NEGR1: variants seen among roughly 807,000 people sequenced by gnomAD.
NEGR1 encodes IgLON family member 4.
NEGR1 carries 10 observed loss-of-function variants against 40.9 expected under a neutral mutation model. The ratio of observed to expected loss-of-function variants is 0.24; its 90% CI spans 0.15 to 0.42. The LOEUF is 0.42. Among genes scored for constraint, NEGR1 ranks in the 10% least tolerant of loss-of-function variants. The pLI is 1.00. For missense variants in NEGR1, 352 were observed against 438.9 expected (o/e 0.80, Z 1.77); for synonymous variants, 185 against 166.8 (o/e 1.11, Z -0.84).
At chr1:71,522,801 C>T (rs1254119419) in intron 6 of NEGR1, among the ~76,000 whole-genome samples, 1 of 151,358 alleles carries the variant, frequency 6.6e-6, no homozygotes, top group African/African-American at 2.4e-5. Flanking sequence ...AAGGTACAGA[C>T]TCACACGCTC....
At chr1:71,873,161 T>C (rs1454587145) in intron 2 of NEGR1, among the ~76,000 whole-genome samples, 3 of 147,096 alleles carry the variant, frequency 2.0e-5, no homozygotes, top group African/African-American at 7.6e-5. Flanking sequence ...TATTTTGAGG[T>C]TTTTGTTTGA....
chr1:71,803,448 T>C (rs1302668855), intron 2 of NEGR1, among the ~76,000 whole-genome samples: 2 of 152,158 alleles, frequency 1.3e-5, no homozygotes, highest in Non-Finnish European at 2.9e-5. Flanking sequence ...AGGGGTATAG[T>C]CTGTCCAATG....
At chr1:71,992,737 G>C (rs2100362015) in intron 1 of NEGR1, among the ~76,000 whole-genome samples, 1 of 152,142 alleles carries the variant, frequency 6.6e-6, no homozygotes, top group Non-Finnish European at 1.5e-5. Context: ...ACAAAGATGG[G>C]TGGCTCAAAT....
At chr1:71,894,655 T>G in intron 2 of NEGR1, among the ~76,000 whole-genome samples, 1 of 152,258 alleles carries the variant, frequency 6.6e-6, no homozygotes, top group East Asian at 1.9e-4. Flanking sequence ...AATACAGGTT[T>G]AACTTGCTAA....
Position 72,112,404 on chromosome 1 carries a change from A to G in NEGR1, c.176+169915T>C, listed in dbSNP as rs548213971. ...ATTTTTTCCAAAATTTATTTTTTCC[A>G]TAATATATCCATTGTTTTCACATTT... is the stretch of plus-strand genomic sequence containing the variant. On this transcript the variant is annotated intron_variant, in intron 1 of 6. Transcript: ENST00000357731. Among the ~76,000 whole-genome samples the G allele has an allele frequency of 5.9e-5, 9 of 151,658 alleles. No individual in the cohort carries two copies. In the South Asian group the frequency reaches 1.7e-3, roughly 28 times the overall value.
intron 1 of NEGR1, among the ~76,000 whole-genome samples, chr1:72,022,790 T>C (rs557161824): frequency 5.9e-5 from 9 of 152,256 alleles, no homozygotes; most frequent in African/African-American, 2.2e-4. Context: ...TCACAGACGA[T>C]ATGATTGTCT....
intron 6 of NEGR1, among the ~76,000 whole-genome samples, chr1:71,421,845 A>G (rs1044937140): frequency 2.0e-5 from 3 of 152,108 alleles, no homozygotes; most frequent in Non-Finnish European, 2.9e-5. Context: ...TAAATTAGAA[A>G]AGACAGATGA....
At chr1:71,462,765 C>G (rs1646722185) in intron 6 of NEGR1, among the ~76,000 whole-genome samples, 1 of 151,990 alleles carries the variant, frequency 6.6e-6, no homozygotes, top group Non-Finnish European at 1.5e-5. Flanking sequence ...GTTTTGGTAC[C>G]AAATTTCATT....
At chr1:72,139,275 C>T (rs550238007) in intron 1 of NEGR1, among the ~76,000 whole-genome samples, 2 of 148,330 alleles carry the variant, frequency 1.3e-5, no homozygotes, top group African/African-American at 2.5e-5. Context: ...AAAAGAAACT[C>T]GAATTAAACA....
At chr1:72,012,380 A>G (rs752330775) in intron 1 of NEGR1, among the ~76,000 whole-genome samples, 3 of 152,062 alleles carry the variant, frequency 2.0e-5, no homozygotes, top group Non-Finnish European at 2.9e-5. Flanking sequence ...TCTCAGAAAG[A>G]TATTATAAAA....
chr1:72,096,753 C>T (rs760949903), intron 1 of NEGR1, among the ~76,000 whole-genome samples: 4 of 152,042 alleles, frequency 2.6e-5, no homozygotes, highest in South Asian at 4.1e-4. Context: ...CTCCACCTCC[C>T]GGGTTCACAC....
chr1:72,052,433 GGT>G (rs1435702898), intron 1 of NEGR1, among the ~76,000 whole-genome samples: 8 of 151,356 alleles, frequency 5.3e-5, no homozygotes, highest in Non-Finnish European at 8.9e-5. Context: ...GGAGAATTCT[GGT>G]GTTTTAGAAA....
At chr1:71,768,182 C>T (rs1656195568) in intron 3 of NEGR1, among the ~76,000 whole-genome samples, 1 of 152,100 alleles carries the variant, frequency 6.6e-6, no homozygotes, top group Non-Finnish European at 1.5e-5. Flanking sequence ...AAGAGGGCCC[C>T]AGAATGGTAG....
chr1:71,805,193 G>T (rs927528747), intron 2 of NEGR1, among the ~76,000 whole-genome samples: 2 of 152,122 alleles, frequency 1.3e-5, no homozygotes, highest in Admixed American at 6.6e-5. Context: ...GACAATGCGT[G>T]CCCAAAACTT....
At chr1:71,547,158 C>T (rs11209793) in intron 6 of NEGR1, among the ~76,000 whole-genome samples, 50,771 of 151,494 alleles carry the variant, frequency 0.34, 8,947 homozygotes, top group East Asian at 0.61. Context: ...TTCCATATAG[C>T]TAAAGTAGGA....
intron 1 of NEGR1, among the ~76,000 whole-genome samples, chr1:72,044,946 G>C (rs1425794086): frequency 1.3e-5 from 2 of 151,746 alleles, no homozygotes; most frequent in African/African-American, 2.4e-5. Flanking sequence ...TGGTACTTAA[G>C]AACAGGGATC....
At chr1:71,776,368 C>G (rs998702655) in intron 2 of NEGR1, 71 bp from the exon 3 acceptor site, 3 of 902,330 alleles carry the variant, frequency 3.3e-6, no homozygotes, top group Non-Finnish European at 4.8e-6. Flanking sequence ...ATGATTAATT[C>G]CATAATATCA....
At chr1:71,660,709 T>C (rs556561005) in intron 4 of NEGR1, among the ~76,000 whole-genome samples, 4 of 152,272 alleles carry the variant, frequency 2.6e-5, no homozygotes, top group African/African-American at 9.6e-5. Context: ...CTTCTTATTA[T>C]TATTATTAAA....
chr1:72,279,038 T>A (rs1317122704), intron 1 of NEGR1, among the ~76,000 whole-genome samples: 4 of 152,044 alleles, frequency 2.6e-5, no homozygotes, highest in Non-Finnish European at 4.4e-5. Context: ...ATAACATTAT[T>A]AAAAGTAAGA....
Sources: gnomAD v4.1 joint callset for allele counts (sites outside exome capture counted in the v4.1 genomes callset) on GRCh38, gnomAD v4.1.1 for gene constraint, MANE v1.5 for transcripts, NCBI Gene and HGNC (gene_info 2026-07-23, HGNC 2026-07-21) for gene names.